The following CUL2 variants were observed in gnomAD, a reference collection of about 807,000 sequenced individuals.
CUL2 encodes cullin-2.
A neutral mutation model predicts 110.2 loss-of-function variants in CUL2; 22 were observed. The observed-to-expected ratio is 0.20, with a 90% CI of 0.14 to 0.28. CUL2 has a LOEUF of 0.28. Ranked by LOEUF, CUL2 falls within the 10% of genes least tolerant of loss-of-function variation. The pLI is 1.00. For synonymous variants in CUL2, 279 were observed against 293.2 expected (o/e 0.95, Z 0.49); for missense variants, 631 against 905.5 (o/e 0.70, Z 3.89).
chr10:35,088,027 C>T (rs1389174007), intron 1 of CUL2, among the ~76,000 whole-genome samples: 1 of 152,218 alleles, frequency 6.6e-6, no homozygotes, highest in Non-Finnish European at 1.5e-5. Flanking sequence ...AATAGGAAAA[C>T]TGTTCCCTCA....
chr10:35,113,223 C>T lies in CUL2; in HGVS notation c.-50-12163G>A, dbSNP rs144630361. Among the ~76,000 whole-genome samples, 106 of 145,356 alleles carry T rather than the reference C, an allele frequency of 7.3e-4. 1 individual carries two copies. Among genetic ancestry groups the T allele is most frequent in the African/African-American group, 2.5e-3 (100 of 39,380 alleles). On this transcript the variant is annotated intron_variant, in intron 1 of 5. Transcript: ENST00000685421. ...AAAAAAAGAATTCAGCGGCCAGGTGCGGTGGCTCACTTCTGTAATCCCAGC... is the reference window on the plus strand; with the variant it reads ...AAAAAAAGAATTCAGCGGCCAGGTGTGGTGGCTCACTTCTGTAATCCCAGC...
chr10:35,099,439 CTGG>C lies in CUL2; in HGVS notation c.167+1402_167+1404del, dbSNP rs1306034291. The C allele has an allele frequency of 5.4e-5, 8 of 149,324 alleles. No homozygotes were observed. The Middle Eastern group carries it at 0.021, about 394-fold the overall frequency. 9.2% of individuals were successfully genotyped at this position (149,324 alleles called of 1,614,324 possible). On this transcript the variant is annotated intron_variant, in intron 2 of 5. Coordinates refer to the CUL2 transcript ENST00000685421. The stretch of plus-strand genomic sequence containing the variant: ...ACTTGTACCAAGTGGTTCCTGAATA[CTGG>C]GTTTGCTCAACATCAGTGTTAGAAG...
upstream of CUL2, among the ~76,000 whole-genome samples, chr10:35,093,331 GA>G (rs576721461): frequency 2.8e-3 from 424 of 151,986 alleles, 1 homozygote; most frequent in African/African-American, 9.8e-3. Flanking sequence ...TAGCCAAGAA[GA>G]ACCCATCTGG....
intron 1 of CUL2, chr10:35,089,878 G>A (rs2087162623): frequency 1.3e-5 from 2 of 152,042 alleles, no homozygotes; most frequent in East Asian, 1.9e-4. Flanking sequence ...ATATGTAGAA[G>A]AATACACGCA....
At chr10:35,034,169 G>T (rs2085556351) in intron 10 of CUL2, among the ~76,000 whole-genome samples, 1 of 152,194 alleles carries the variant, frequency 6.6e-6, no homozygotes, top group South Asian at 2.1e-4. Context: ...TACCACAAAT[G>T]TATTCACTTA....
intron 6 of CUL2, among the ~76,000 whole-genome samples, 165 bp downstream of exon 6, chr10:35,049,518 G>T (rs200356394): frequency 2.1e-5 from 3 of 143,468 alleles, no homozygotes; most frequent in Non-Finnish European, 4.6e-5. Flanking sequence ...AGAAGAAGAA[G>T]AAAATAAAAC....
In CUL2 at chr10:35,009,602, G is replaced by A. The variant is rs1405685344; in HGVS notation, c.*709C>T. The A allele has an allele frequency of 6.6e-6, 1 of 152,170 alleles. No homozygotes were observed. The highest frequency in any genetic ancestry group is 1.5e-5 in the Non-Finnish European group (1 of 68,034). 9.4% of individuals were successfully genotyped at this position (152,170 alleles called of 1,614,324 possible). The stretch of plus-strand genomic sequence containing the variant: ...GTGGAGTAGCACACCACCAGAAACT[G>A]CTGATGGAATTACATCTTCAAGATT... On this transcript the variant is annotated 3_prime_UTR_variant, in exon 21 of 21. Transcript: ENST00000374749.
intron 2 of CUL2, among the ~76,000 whole-genome samples, chr10:35,097,718 G>A (rs1455321786): frequency 6.6e-6 from 1 of 152,006 alleles, no homozygotes; most frequent in East Asian, 1.9e-4. Flanking sequence ...TGACACTTTG[G>A]GAGTCCATGG....
At position 35,010,266 on chromosome 10, in the gene CUL2, G is replaced by C; in HGVS notation, c.*45C>G. ...TTTTTCCCACAGGAACACACCAAAT[G>C]GTGATGGCAATGATCTTCTCACACC... is the stretch of plus-strand genomic sequence containing the variant. On this transcript the variant is annotated 3_prime_UTR_variant, in exon 21 of 21. Coordinates refer to ENST00000374749, the MANE Select transcript of CUL2 (RefSeq NM_003591.4). The C allele has an allele frequency of 6.5e-7, 1 of 1,531,442 alleles. No homozygotes were observed. Among genetic ancestry groups the C allele is most frequent in the Non-Finnish European group, 8.8e-7 (1 of 1,135,286 alleles). The allele number at this position is 1,531,442 out of a possible 1,614,324, so 94.9% of individuals were successfully genotyped here.
At chr10:35,047,769 T>C (rs1159721882) in intron 6 of CUL2, among the ~76,000 whole-genome samples, 2 of 145,122 alleles carry the variant, frequency 1.4e-5, no homozygotes, top group African/African-American at 5.1e-5. Context: ...ATACAAAAAT[T>C]AGCAGGGCGT....
intron 2 of CUL2, among the ~76,000 whole-genome samples, chr10:35,066,458 T>C (rs2086528585): frequency 7.8e-6 from 1 of 128,802 alleles, no homozygotes; most frequent in Non-Finnish European, 1.7e-5. Flanking sequence ...CCACCATGCC[T>C]GGCTAATTTT....
At chr10:35,082,340 T>C (rs2086964100) in intron 1 of CUL2, among the ~76,000 whole-genome samples, 1 of 152,134 alleles carries the variant, frequency 6.6e-6, no homozygotes, top group Non-Finnish European at 1.5e-5. Flanking sequence ...AAAGTATGTA[T>C]GTGGGCAAAT....
At chr10:35,015,293 CA>C (rs201140168) in intron 18 of CUL2, among the ~76,000 whole-genome samples, 18,683 of 80,782 alleles carry the variant, frequency 0.23, 1,129 homozygotes, top group Middle Eastern at 0.33. Context: ...AACTCCGTCT[CA>C]AAAAAAAAAA....
At chr10:35,092,095 G>A (rs2087218280), upstream of CUL2, among the ~76,000 whole-genome samples, 1 of 151,420 alleles carries the variant, frequency 6.6e-6, no homozygotes, top group Non-Finnish European at 1.5e-5. Context: ...TGTGACTACA[G>A]GCGCGTGCGC....
chr10:35,012,000 G>A, intron 19 of CUL2, 36 bp from the exon 20 acceptor site: 1 of 1,139,970 alleles, frequency 8.8e-7, no homozygotes, highest in Non-Finnish European at 1.3e-6. Context: ...GACCCAACAA[G>A]ACATTAAGTC....
In CUL2 at chr10:35,031,581, C is replaced by A. The variant is rs150963156; in HGVS notation, c.1209G>T (p.Ala403=). The A allele has an allele frequency of 6.2e-7, 1 of 1,613,938 alleles. No homozygotes were observed. ...CCACTTCATTCTCTGTCATCCCTTT[C>A]GCTGACTTCTTCAGTAAGTTGTCAC... The part of the protein sequence containing the change: ...KYCDNLLKKS[A]KGMTENEVED... The change falls in exon 13 of 21, where the codon GCG becomes GCT. Residue 403 remains alanine, a synonymous_variant. Transcript: ENST00000374749. This position sits in a 1 kb window ranked among gnomAD's most constrained non-coding sequence, Gnocchi z 4.4.
rs746714817 is a variant in CUL2, at chr10:35,035,172, G to A, written c.1002C>T (p.Asn334=). Residue 334 remains asparagine (N), a splice_region_variant and synonymous_variant, in exon 10 of 21, where the codon AAC becomes AAT. Coordinates refer to ENST00000374749, the MANE Select transcript of CUL2 (RefSeq NM_003591.4). ...CATTGCAGTTTCCCACACAACTCAC[G>A]TTTTCCTGAGTAAGGTTGCTGGTTG... The part of the protein sequence containing the change: ...LRATSNLTQE[N]MPTLFVESVL... 1.1e-5 allele frequency: 17 copies of A among 1,614,128 alleles called. No individual in the cohort carries two copies. The highest frequency in any genetic ancestry group is 5.5e-5 in the South Asian group (5 of 91,074).
chr10:35,039,872 G>T (rs951262444), intron 8 of CUL2, among the ~76,000 whole-genome samples: 1 of 151,542 alleles, frequency 6.6e-6, no homozygotes, highest in Admixed American at 6.6e-5. Context: ...TAAAAATAAG[G>T]CCAGGCAAGG....
intron 9 of CUL2, 41 bp from the exon 10 acceptor site, chr10:35,035,337 T>C (rs756067265): frequency 6.2e-7 from 1 of 1,604,726 alleles, no homozygotes; most frequent in Non-Finnish European, 8.5e-7. Flanking sequence ...TCCCAAATAT[T>C]TTCATTTATT....
Sources: gnomAD v4.1 joint callset for allele counts (sites outside exome capture counted in the v4.1 genomes callset) on GRCh38, gnomAD v4.1.1 for gene constraint, Gnocchi (gnomAD v3.1) non-coding constraint, MANE v1.5 for transcripts, NCBI Gene and HGNC (gene_info 2026-07-23, HGNC 2026-07-21) for gene names.